ITGB1BP1: variants seen among roughly 807,000 people sequenced by gnomAD.
ITGB1BP1 encodes integrin subunit beta 1 binding protein 1, also known as integrin beta-1-binding protein 1.
A neutral mutation model predicts 28.0 loss-of-function variants in ITGB1BP1; 20 were observed. That is an observed-to-expected ratio of 0.71 (90% confidence interval 0.50 to 1.04). The LOEUF (loss-of-function observed/expected upper bound fraction) is 1.04, where lower values mean the gene tolerates loss of function less well. ITGB1BP1 is among the 50% of genes least tolerant of loss of function. The pLI is 0.00. For missense variants in ITGB1BP1, 228 were observed against 242.5 expected, an observed-to-expected ratio of 0.94 and a Z score of 0.40; for synonymous variants, 103 against 89.5, an observed-to-expected ratio of 1.15 and a Z score of -0.85.
chr2:9,423,547 C>A, upstream of ITGB1BP1: 1 of 1,151,562 alleles, frequency 8.7e-7, no homozygotes, highest in Non-Finnish European at 1.2e-6. Flanking sequence ...GCAGTCCTGA[C>A]GTCCTACCCC....
At chr2:9,422,652 C>T (rs970062799) in intron 1 of ITGB1BP1, 23 of 985,478 alleles carry the variant, frequency 2.3e-5, no homozygotes, top group Non-Finnish European at 1.1e-5. Flanking sequence ...CTCTGCATTG[C>T]CAGGGCGCCT....
chr2:9,412,194 G>T, intron 4 of ITGB1BP1, 75 bp downstream of exon 4: 1 of 1,335,766 alleles, frequency 7.5e-7, no homozygotes, highest in Non-Finnish European at 1.1e-6. Flanking sequence ...CGAGGAGTGA[G>T]CATTTTGCCC....
In ITGB1BP1 at chr2:9,406,579, T is replaced by C. The variant is rs1677415596; in HGVS notation, c.*255A>G. The stretch of plus-strand genomic sequence containing the variant: ...TGTGACACCTAGGCTTCTGTGACAC[T>C]TAGGTTAAGCTTATTAGAAGTTGAA... On this transcript the variant is annotated 3_prime_UTR_variant, in exon 7 of 7. Transcript: ENST00000355346. The C allele has an allele frequency of 6.4e-6, 3 of 469,640 alleles. No individual in the cohort carries two copies. The East Asian group carries it at 1.2e-4, about 18-fold the overall frequency. 29.1% of individuals were successfully genotyped at this position (469,640 alleles called of 1,614,324 possible).
intron 4 of ITGB1BP1, 127 bp downstream of exon 4, chr2:9,412,142 G>A (rs982318621): frequency 1.3e-6 from 1 of 744,690 alleles, no homozygotes; most frequent in Admixed American, 2.6e-5. Context: ...TGGTGATGCG[G>A]GGACTTCAGT....
rs1470020774 is a variant in ITGB1BP1, at chr2:9,404,234, T to TTCTA, written c.*2596_*2599dup. The TTCTA allele has an allele frequency of 6.6e-6, 1 of 152,236 alleles. No individual in the cohort carries two copies. The highest frequency in any genetic ancestry group is 2.4e-5 in the African/African-American group (1 of 41,458). 9.4% of individuals were successfully genotyped at this position (152,236 alleles called of 1,614,324 possible). On this transcript the variant is annotated 3_prime_UTR_variant, in exon 7 of 7. Transcript: ENST00000355346. ...CTACTGAGTGTACCACTGCCTTCCC[T>TTCTA]TCTAGCCCAGGAGAATGTTTACTCA...
At position 9,405,575 on chromosome 2, in the gene ITGB1BP1, A is replaced by G. The variant is rs1677156696; in HGVS notation, c.*1259T>C. On this transcript the variant is annotated 3_prime_UTR_variant, in exon 7 of 7. Coordinates refer to ENST00000355346, the MANE Select transcript of ITGB1BP1 (RefSeq NM_004763.5). ...TGTATAACCGAAATTGATTATTTTC[A>G]TTGTCCTTAATGCAGTGATTTATAA... 1 of 152,626 alleles carries G rather than the reference A, an allele frequency of 6.6e-6. No homozygotes were observed. The highest frequency in any genetic ancestry group is 6.5e-5 in the Admixed American group (1 of 15,278). 9.5% of individuals were successfully genotyped at this position (152,626 alleles called of 1,614,324 possible).
intron 4 of ITGB1BP1, among the ~76,000 whole-genome samples, chr2:9,410,688 C>G (rs1400281417): frequency 6.6e-6 from 1 of 152,200 alleles, no homozygotes. Context: ...GATCTGCCCC[C>G]CTTGGCCTCC....
At chr2:9,423,216 G>A in intron 1 of ITGB1BP1, 157 bp downstream of exon 1, 1 of 1,087,984 alleles carries the variant, frequency 9.2e-7, no homozygotes, top group Non-Finnish European at 1.1e-6. Flanking sequence ...CCGGGAGCGC[G>A]GCCCCGCCCG....
chr2:9,407,897 T>TTG, intron 5 of ITGB1BP1: 3 of 504,216 alleles, frequency 5.9e-6, no homozygotes, highest in Non-Finnish European at 7.1e-6. Context: ...TGTTTGGGGG[T>TTG]GGGGGGGGCA....
intron 4 of ITGB1BP1, among the ~76,000 whole-genome samples, chr2:9,409,943 C>G (rs1300269485): frequency 6.7e-6 from 1 of 148,304 alleles, no homozygotes; most frequent in Non-Finnish European, 1.5e-5. Flanking sequence ...CTCCTGGGTT[C>G]AAGCGATTCT....
At chr2:9,423,052 G>A (rs1680092269) in intron 1 of ITGB1BP1, 3 of 998,326 alleles carry the variant, frequency 3.0e-6, no homozygotes, top group African/African-American at 1.7e-5. Flanking sequence ...GACCCTGAGA[G>A]GCGGGAGGCG....
intron 2 of ITGB1BP1, 84 bp downstream of exon 2, chr2:9,418,542 G>T: frequency 1.1e-6 from 1 of 931,412 alleles, no homozygotes; most frequent in Non-Finnish European, 1.8e-6. Context: ...ATCTGCCCAC[G>T]GTCAGTATCC....
Position 9,406,608 on chromosome 2 carries a change from G to C in ITGB1BP1, c.*226C>G, listed in dbSNP as rs1235713231. ...GTTAAGCTTATTAGAAGTTGAAAAA[G>C]ACAAATGAAGTTTTTTAGCCCAGAA... On this transcript the variant is annotated 3_prime_UTR_variant, in exon 7 of 7. Coordinates refer to ENST00000355346, the MANE Select transcript of ITGB1BP1 (RefSeq NM_004763.5). The C allele has an allele frequency of 1.8e-6, 1 of 545,784 alleles. No homozygotes were observed. The highest frequency in any genetic ancestry group is 4.9e-4 in the Middle Eastern group (1 of 2,050). The allele number at this position is 545,784 out of a possible 1,614,324, so 33.8% of individuals were successfully genotyped here.
At chr2:9,413,113 T>TTACATATAGTTACA (rs1678665675) in intron 3 of ITGB1BP1, among the ~76,000 whole-genome samples, 4 of 152,224 alleles carry the variant, frequency 2.6e-5, no homozygotes, top group Non-Finnish European at 5.9e-5. Flanking sequence ...ATGATTACTT[T>TTACATATAGTTACA]TAGGTTATGT....
intron 2 of ITGB1BP1, among the ~76,000 whole-genome samples, chr2:9,417,779 C>G (rs775131318): frequency 8.5e-5 from 13 of 152,234 alleles, no homozygotes; most frequent in African/African-American, 2.4e-4. Flanking sequence ...TCTCCCACCC[C>G]CTCCATTCCT....
chr2:9,406,930 A>G (rs764184549), intron 6 of ITGB1BP1, 25 bp from the exon 7 acceptor site: 10 of 1,543,994 alleles, frequency 6.5e-6, no homozygotes, highest in Non-Finnish European at 9.0e-6. Context: ...AGATAGAGTA[A>G]GAGCAACATT....
rs113170411 is a variant in ITGB1BP1, at chr2:9,406,535, T to G, written c.*299A>C. ...TCTTCCTCAGGCCTTCAGTGTGTGT[T>G]TGTCACTGAGTGGACCTCTGTGACA... is the stretch of plus-strand genomic sequence containing the variant. On this transcript the variant is annotated 3_prime_UTR_variant, in exon 7 of 7. Transcript: ENST00000355346. 3.5e-3 allele frequency: 983 copies of G among 282,024 alleles called. 29 individuals are homozygous for G. The highest frequency in any genetic ancestry group is 0.012 in the African/African-American group (367 of 30,010). 17.5% of individuals were successfully genotyped at this position (282,024 alleles called of 1,614,324 possible). A position where few individuals can be genotyped will look rare whatever the true frequency, so the allele number is the denominator to read the frequency against.
At chr2:9,417,904 C>T (rs1009452672) in intron 2 of ITGB1BP1, among the ~76,000 whole-genome samples, 2 of 152,118 alleles carry the variant, frequency 1.3e-5, no homozygotes, top group African/African-American at 2.4e-5. Flanking sequence ...AATTTCTTCC[C>T]TCTCCCTAAC....
At chr2:9,416,234 G>A (rs1404899150) in intron 2 of ITGB1BP1, among the ~76,000 whole-genome samples, 1 of 152,032 alleles carries the variant, frequency 6.6e-6, no homozygotes, top group African/African-American at 2.4e-5. Context: ...TTCACTACCT[G>A]CTTTTTTTTG....
Sources: allele counts gnomAD v4.1 joint callset (sites outside exome capture counted in the v4.1 genomes callset), GRCh38; gene constraint gnomAD v4.1.1; transcripts MANE v1.5; gene names NCBI Gene and HGNC (gene_info 2026-07-23, HGNC 2026-07-21).